Variants in MAPK10 observed in about 807,000 individuals in gnomAD.
The protein encoded by MAPK10 is mitogen-activated protein kinase 10.
Under a neutral mutation model 59.3 loss-of-function variants are expected in MAPK10, and 25 were observed. The ratio of observed to expected loss-of-function variants is 0.42; its 90% CI spans 0.31 to 0.59. MAPK10 has a LOEUF of 0.59. Ranked by LOEUF, MAPK10 falls within the 20% of genes least tolerant of loss-of-function variation. The pLI, the probability that MAPK10 is intolerant of heterozygous loss-of-function variation, is 0.15. For missense variants in MAPK10, 351 were observed against 568.9 expected (o/e 0.62, Z 3.90); for synonymous variants, 190 against 200.5 (o/e 0.95, Z 0.44).
intron 1 of MAPK10, among the ~76,000 whole-genome samples, chr4:86,398,135 T>C (rs1743215543): frequency 6.6e-6 from 1 of 151,836 alleles, no homozygotes; most frequent in Non-Finnish European, 1.5e-5. Context: ...ACAAAAACTT[T>C]GTTCTTCAGG....
At chr4:86,543,199 T>C (rs970458947) in intron 1 of MAPK10, among the ~76,000 whole-genome samples, 2 of 152,098 alleles carry the variant, frequency 1.3e-5, no homozygotes, top group African/African-American at 4.8e-5. Context: ...AGTAGGTGCA[T>C]TGAGAAGAGT....
At chr4:86,548,420 A>G (rs1384796004) in intron 1 of MAPK10, among the ~76,000 whole-genome samples, 1 of 152,184 alleles carries the variant, frequency 6.6e-6, no homozygotes, top group African/African-American at 2.4e-5. Context: ...CAGTGAGACC[A>G]AGAACCCACC....
Position 86,313,623 on chromosome 4 carries a change from T to G in MAPK10, c.-7+40907A>C, listed in dbSNP as rs186146804. The stretch of plus-strand genomic sequence containing the variant: ...AAAGCAGATTAAAATATTCTCAACA[T>G]TGTTTGTCATTAGGGAAATTCAGTT... On this transcript the variant is annotated intron_variant, in intron 2 of 13. Coordinates refer to ENST00000641462, the MANE Select transcript of MAPK10 (RefSeq NM_138982.4). Among the ~76,000 whole-genome samples, 22 of 152,254 alleles carry G rather than the reference T, an allele frequency of 1.4e-4. No homozygotes were observed. The East Asian group carries it at 2.7e-3, about 19-fold the overall frequency.
chr4:86,191,520 G>T (rs1040006511), intron 3 of MAPK10: 3 of 68,554 alleles, frequency 4.4e-5, no homozygotes, highest in Admixed American at 3.7e-4. Context: ...TGTCTTTTTT[G>T]ATCTTTATCA....
chr4:86,346,805 T>C (rs1728518666), intron 2 of MAPK10, among the ~76,000 whole-genome samples: 1 of 152,018 alleles, frequency 6.6e-6, no homozygotes, highest in African/African-American at 2.4e-5. Flanking sequence ...CTTAAATTGT[T>C]TCCTACCCAC....
chr4:86,018,910 A>G (rs1744791058), intron 13 of MAPK10, among the ~76,000 whole-genome samples: 1 of 152,208 alleles, frequency 6.6e-6, no homozygotes, highest in Non-Finnish European at 1.5e-5. Flanking sequence ...GACAAAATAA[A>G]ACTAAATTAA....
intron 2 of MAPK10, among the ~76,000 whole-genome samples, chr4:86,206,865 T>A (rs1246468069): frequency 6.6e-6 from 1 of 152,252 alleles, no homozygotes; most frequent in Non-Finnish European, 1.5e-5. Context: ...TGTCTGTTCA[T>A]ATCCTTCACC....
chr4:86,452,517 G>A (rs1281695828), intron 1 of MAPK10, among the ~76,000 whole-genome samples: 10 of 151,412 alleles, frequency 6.6e-5, no homozygotes, highest in Non-Finnish European at 1.5e-4. Flanking sequence ...CATACAATGC[G>A]CACGCACACA....
intron 1 of MAPK10, among the ~76,000 whole-genome samples, chr4:86,396,341 T>A (rs985782603): frequency 6.6e-6 from 1 of 152,124 alleles, no homozygotes; most frequent in African/African-American, 2.4e-5. Context: ...TGCGAGACTC[T>A]GTCTCAAAAA....
chr4:86,189,746 C>A (rs2079194988), intron 3 of MAPK10, among the ~76,000 whole-genome samples: 1 of 152,116 alleles, frequency 6.6e-6, no homozygotes, highest in Non-Finnish European at 1.5e-5. Context: ...TTATTTCATT[C>A]TCTTGCCTGA....
intron 1 of MAPK10, among the ~76,000 whole-genome samples, chr4:86,521,228 G>C (rs894692798): frequency 1.3e-5 from 2 of 152,118 alleles, no homozygotes; most frequent in Non-Finnish European, 2.9e-5. Context: ...GTATTGAGTT[G>C]GTTGGCCTCC....
At chr4:86,337,400 G>T (rs188667465) in intron 2 of MAPK10, among the ~76,000 whole-genome samples, 311 of 152,300 alleles carry the variant, frequency 2.0e-3, no homozygotes, top group African/African-American at 6.9e-3. Context: ...TAACTCCCCA[G>T]AAATTACTCT....
intron 4 of MAPK10, among the ~76,000 whole-genome samples, chr4:86,133,232 G>A (rs1003952205): frequency 1.0e-4 from 15 of 150,670 alleles, no homozygotes; most frequent in Admixed American, 5.9e-4. Context: ...ATCTTCATGT[G>A]GAGACATATT....
Position 86,015,504 on chromosome 4 carries a change from T to A in MAPK10, c.*1724A>T, listed in dbSNP as rs754218302. ...ATGGTCAGAGTGCAAATAACTGTGATGGATACTTCGAAGTGAATAAGAAGG... is the reference window on the plus strand; with the variant it reads ...ATGGTCAGAGTGCAAATAACTGTGAAGGATACTTCGAAGTGAATAAGAAGG... On this transcript the variant is annotated 3_prime_UTR_variant, in exon 14 of 14. Transcript: ENST00000641462. The A allele has an allele frequency of 6.6e-6, 1 of 152,206 alleles. No homozygotes were observed. The highest frequency in any genetic ancestry group is 2.4e-5 in the African/African-American group (1 of 41,452). The allele number at this position is 152,206 out of a possible 1,614,324, so 9.4% of individuals were successfully genotyped here. A position where few individuals can be genotyped will look rare whatever the true frequency, so the allele number is the denominator to read the frequency against.
At chr4:86,035,474 A>G (rs931494675) in intron 11 of MAPK10, among the ~76,000 whole-genome samples, 1 of 151,576 alleles carries the variant, frequency 6.6e-6, no homozygotes, top group Non-Finnish European at 1.5e-5. Context: ...AGTGAAATTT[A>G]CAGCTGGATT....
chr4:86,041,364 A>C (rs1395548144), intron 11 of MAPK10, among the ~76,000 whole-genome samples: 1 of 152,174 alleles, frequency 6.6e-6, no homozygotes, highest in Non-Finnish European at 1.5e-5. Flanking sequence ...TGTAAAACCC[A>C]AAACCATAAA....
intron 2 of MAPK10, among the ~76,000 whole-genome samples, chr4:86,210,612 T>G (rs1022410230): frequency 6.6e-6 from 1 of 151,854 alleles, no homozygotes; most frequent in Non-Finnish European, 1.5e-5. Context: ...AAATATCTCA[T>G]GTACACCTAT....
intron 12 of MAPK10, among the ~76,000 whole-genome samples, chr4:86,029,715 A>G (rs2038493456): frequency 1.3e-5 from 2 of 152,096 alleles, no homozygotes; most frequent in Admixed American, 6.5e-5. Flanking sequence ...TATGGCTTTG[A>G]ACATCCATTT....
chr4:86,233,083 G>A (rs1423331519), intron 2 of MAPK10, among the ~76,000 whole-genome samples: 2 of 152,108 alleles, frequency 1.3e-5, no homozygotes, highest in South Asian at 2.1e-4. Flanking sequence ...TTTCCATTTC[G>A]AAGATGAGAT....
Sources: allele counts gnomAD v4.1 joint callset (sites outside exome capture counted in the v4.1 genomes callset), GRCh38; gene constraint gnomAD v4.1.1; transcripts MANE v1.5; gene names NCBI Gene and HGNC (gene_info 2026-07-23, HGNC 2026-07-21).